The following CGGBP1 variants were observed in gnomAD, a reference collection of about 807,000 sequenced individuals.
CGGBP1 encodes the protein CGG triplet repeat-binding protein 1.
CGGBP1 carries 4 observed loss-of-function variants against 11.4 expected under a neutral mutation model. The ratio of observed to expected loss-of-function variants is 0.35; its 90% CI spans 0.17 to 0.80. The LOEUF (loss-of-function observed/expected upper bound fraction) is 0.80. CGGBP1 is among the 30% of genes least tolerant of loss of function. The probability of loss-of-function intolerance (pLI) is 0.52; values close to 1 mark genes in which losing one functional copy is unlikely to be tolerated. For synonymous variants in CGGBP1, 76 were observed against 74.1 expected (o/e 1.03, Z -0.13); for missense variants, 135 against 202.1 (o/e 0.67, Z 2.01).
chr3:88,136,687 CAG>C (rs558604668), intron 2 of CGGBP1, among the ~76,000 whole-genome samples: 189 of 152,170 alleles, frequency 1.2e-3, no homozygotes, highest in African/African-American at 4.0e-3. Flanking sequence ...AGACTAATGG[CAG>C]AGACTGTGTG....
intron 2 of CGGBP1, among the ~76,000 whole-genome samples, chr3:88,120,258 C>A (rs1309323926): frequency 6.6e-6 from 1 of 152,132 alleles, no homozygotes; most frequent in Non-Finnish European, 1.5e-5. Flanking sequence ...ACCCAGCATT[C>A]TAATTCTTTC....
At chr3:88,143,612 A>C (rs1384810800) in intron 1 of CGGBP1, 1 of 152,298 alleles carries the variant, frequency 6.6e-6, no homozygotes, top group Non-Finnish European at 1.5e-5. Context: ...AATTGATATA[A>C]ATCCATGCCC....
chr3:88,132,689 T>G (rs964702633), intron 2 of CGGBP1, among the ~76,000 whole-genome samples: 2 of 152,216 alleles, frequency 1.3e-5, no homozygotes, highest in Admixed American at 1.3e-4. Context: ...TATTACAGGC[T>G]TTCAACATTT....
At chr3:88,105,257 T>C (rs1704665779) in intron 2 of CGGBP1, among the ~76,000 whole-genome samples, 1 of 148,464 alleles carries the variant, frequency 6.7e-6, no homozygotes, top group Non-Finnish European at 1.5e-5. Context: ...CTTTTTTAGA[T>C]AAACAGATAC....
intron 2 of CGGBP1, among the ~76,000 whole-genome samples, chr3:88,090,629 G>A (rs1224048904): frequency 1.3e-5 from 2 of 152,118 alleles, no homozygotes; most frequent in Non-Finnish European, 2.9e-5. Context: ...CTACATGAGT[G>A]TGTAGTCATG....
chr3:88,129,598 C>A, intron 2 of CGGBP1: 1 of 1,034,840 alleles, frequency 9.7e-7, no homozygotes, highest in Non-Finnish European at 1.3e-6. Flanking sequence ...GAAATCTAAG[C>A]AATTTCTCTT....
chr3:88,134,123 G>T (rs1214451392), intron 2 of CGGBP1, among the ~76,000 whole-genome samples: 1 of 151,642 alleles, frequency 6.6e-6, no homozygotes, highest in African/African-American at 2.4e-5. Context: ...AAAGGTGGGG[G>T]GTAGTGGACT....
At chr3:88,128,295 TTAA>T (rs1706240638) in intron 2 of CGGBP1, among the ~76,000 whole-genome samples, 1 of 152,158 alleles carries the variant, frequency 6.6e-6, no homozygotes, top group Middle Eastern at 3.2e-3. Context: ...TACTTTTGGA[TTAA>T]TTTTATCTTT....
chr3:88,077,020 A>C (rs1707841588), intron 2 of CGGBP1, among the ~76,000 whole-genome samples: 1 of 152,216 alleles, frequency 6.6e-6, no homozygotes, highest in Admixed American at 6.5e-5. Flanking sequence ...CCCTGGAGTA[A>C]AAGAATTTTA....
At chr3:88,115,813 T>C (rs1705354267) in intron 2 of CGGBP1, among the ~76,000 whole-genome samples, 1 of 152,066 alleles carries the variant, frequency 6.6e-6, no homozygotes. Context: ...TCATCATCAT[T>C]ATATCTAGCA....
chr3:88,092,249 AC>A (rs1703786136), intron 2 of CGGBP1, among the ~76,000 whole-genome samples: 1 of 152,192 alleles, frequency 6.6e-6, no homozygotes. Flanking sequence ...TCTAACAATT[AC>A]TGCATAATTA....
At chr3:88,076,923 TAACTC>T (rs1707835386) in intron 2 of CGGBP1, among the ~76,000 whole-genome samples, 2 of 152,146 alleles carry the variant, frequency 1.3e-5, no homozygotes, top group African/African-American at 2.4e-5. Flanking sequence ...TGCAAGTAGC[TAACTC>T]AAGAGGGATA....
intron 2 of CGGBP1, among the ~76,000 whole-genome samples, chr3:88,108,228 T>C (rs1704865517): frequency 6.6e-6 from 1 of 152,122 alleles, no homozygotes; most frequent in Non-Finnish European, 1.5e-5. Flanking sequence ...TATTTCTACT[T>C]AGCTCCAAGT....
chr3:88,134,995 A>G (rs1213127560), intron 2 of CGGBP1: 1 of 1,145,090 alleles, frequency 8.7e-7, no homozygotes, highest in Admixed American at 3.9e-5. Flanking sequence ...AATCAGGGAA[A>G]GATAGCTAAT....
chr3:88,145,548 A>T (rs1559743290), intron 1 of CGGBP1, among the ~76,000 whole-genome samples: 1 of 152,104 alleles, frequency 6.6e-6, no homozygotes, highest in Non-Finnish European at 1.5e-5. Context: ...TCCTTTTCTG[A>T]AATTTGAAGA....
chr3:88,075,214 C>T (rs775224974), intron 2 of CGGBP1, among the ~76,000 whole-genome samples: 1 of 152,228 alleles, frequency 6.6e-6, no homozygotes, highest in Non-Finnish European at 1.5e-5. Context: ...AGTGGCACCA[C>T]TTCTACTAGC....
chr3:88,059,240 G>C, upstream of CGGBP1: 1 of 1,521,538 alleles, frequency 6.6e-7, no homozygotes, highest in Non-Finnish European at 8.8e-7. Context: ...GGGAACTAGA[G>C]AGGAGGAGGA....
intron 2 of CGGBP1, among the ~76,000 whole-genome samples, chr3:88,122,079 A>G (rs1490358188): frequency 1.3e-5 from 2 of 152,210 alleles, no homozygotes; most frequent in Admixed American, 1.3e-4. Context: ...ATGTAGCACA[A>G]ATGTTCAATA....
At chr3:88,098,490 C>G (rs577115917) in intron 2 of CGGBP1, among the ~76,000 whole-genome samples, 1 of 152,280 alleles carries the variant, frequency 6.6e-6, no homozygotes, top group South Asian at 2.1e-4. Context: ...ATGAGGCCAG[C>G]ATCATCCTGA....
Sources: allele counts gnomAD v4.1 joint callset (sites outside exome capture counted in the v4.1 genomes callset), GRCh38; gene constraint gnomAD v4.1.1; transcripts MANE v1.5; gene names NCBI Gene and HGNC (gene_info 2026-07-23, HGNC 2026-07-21).